Variants in KCNMA1 observed in about 807,000 individuals in gnomAD.
KCNMA1 encodes the protein potassium calcium-activated channel subfamily M alpha 1.
A neutral mutation model predicts 140.0 loss-of-function variants in KCNMA1; 29 were observed. That is an observed-to-expected ratio of 0.21 (90% confidence interval 0.15 to 0.28). The LOEUF is 0.28. Ranked by LOEUF, KCNMA1 falls within the 10% of genes least tolerant of loss-of-function variation. KCNMA1 has a pLI of 1.00. For missense variants in KCNMA1, 880 were observed against 1,602.2 expected, an observed-to-expected ratio of 0.55 and a Z score of 7.70; for synonymous variants, 612 against 611.9, an observed-to-expected ratio of 1.00 and a Z score of 0.00.
intron 1 of KCNMA1, among the ~76,000 whole-genome samples, chr10:77,427,947 T>C (rs1034410442): frequency 3.3e-5 from 5 of 151,942 alleles, no homozygotes; most frequent in Non-Finnish European, 7.4e-5. Flanking sequence ...GAGACAGGGT[T>C]TCACCATGTT....
intron 1 of KCNMA1, among the ~76,000 whole-genome samples, chr10:77,535,438 G>A (rs926701020): frequency 2.0e-5 from 3 of 152,224 alleles, no homozygotes; most frequent in African/African-American, 7.2e-5. Context: ...TTCATACACT[G>A]TTGGTGGGAA....
In KCNMA1 at chr10:77,266,811, A is replaced by G. The variant is rs1480141630; in HGVS notation, c.541-15555T>C. On this transcript the variant is annotated intron_variant, in intron 2 of 27. Transcript: ENST00000286628. Reference sequence around the variant, plus strand: ...CTCCTTGAGGATGGAAAGGGTATCAATCATGGCTGTGGCCCCACCATTCAC... The same window carrying G: ...CTCCTTGAGGATGGAAAGGGTATCAGTCATGGCTGTGGCCCCACCATTCAC... Among the ~76,000 whole-genome samples the G allele has an allele frequency of 5.3e-5, 8 of 152,316 alleles. No homozygotes were observed. In the East Asian group the frequency reaches 7.7e-4, roughly 15 times the overall value.
At chr10:76,941,181 AAGGG>A (rs113837673) in intron 23 of KCNMA1, among the ~76,000 whole-genome samples, 1 of 106,472 alleles carries the variant, frequency 9.4e-6, no homozygotes, top group Non-Finnish European at 2.0e-5. Context: ...GGAAGGAAGG[AAGGG>A]AGGGAGGGAG....
chr10:77,249,504 C>T (rs867004817), intron 3 of KCNMA1: 31 of 152,032 alleles, frequency 2.0e-4, no homozygotes, highest in African/African-American at 7.2e-4. Context: ...AATAAAAAAA[C>T]GAAAAGGGAA....
intron 2 of KCNMA1, among the ~76,000 whole-genome samples, chr10:77,308,837 C>T (rs891056406): frequency 1.3e-5 from 2 of 152,178 alleles, no homozygotes; most frequent in African/African-American, 4.8e-5. Flanking sequence ...TTGAGATCCT[C>T]ATGAGAAAGA....
intron 20 of KCNMA1, among the ~76,000 whole-genome samples, chr10:76,962,159 G>C (rs2071767613): frequency 6.6e-6 from 1 of 152,166 alleles, no homozygotes; most frequent in Non-Finnish European, 1.5e-5. Context: ...ATTTTAAAGT[G>C]CACAATTTCC....
intron 1 of KCNMA1, among the ~76,000 whole-genome samples, chr10:77,511,681 C>G (rs2048467503): frequency 6.6e-6 from 1 of 152,128 alleles, no homozygotes; most frequent in African/African-American, 2.4e-5. Context: ...TTTTTAATGA[C>G]TGTTATTTAA....
chr10:77,068,826 C>T (rs2096066374), intron 14 of KCNMA1, among the ~76,000 whole-genome samples: 1 of 131,222 alleles, frequency 7.6e-6, no homozygotes, highest in South Asian at 2.7e-4. Flanking sequence ...CATTGAAAAA[C>T]AATTTTAAGA....
intron 20 of KCNMA1, among the ~76,000 whole-genome samples, chr10:76,966,081 A>C (rs761679075): frequency 2.6e-5 from 4 of 152,092 alleles, no homozygotes; most frequent in African/African-American, 4.8e-5. Context: ...ACTGTGTGGA[A>C]GTTCTTTAAG....
At chr10:76,888,645 T>C (rs942951686) in intron 27 of KCNMA1, among the ~76,000 whole-genome samples, 1 of 152,194 alleles carries the variant, frequency 6.6e-6, no homozygotes, top group Non-Finnish European at 1.5e-5. Context: ...ACATCTAAAC[T>C]GTTATTTCTC....
Position 76,995,110 on chromosome 10 carries a change from C to T in KCNMA1, c.2266+6297G>A, listed in dbSNP as rs146929631. 5.3e-4 allele frequency among the ~76,000 whole-genome samples: 81 copies of T among 152,238 alleles called. No individual in the cohort carries two copies. The East Asian group carries it at 0.012, about 23-fold the overall frequency. On this transcript the variant is annotated intron_variant, in intron 19 of 27. Transcript: ENST00000286628. ...ACGTGATAGCAATCAACTCAGGGGG[C>T]GATCCTGAATGCGGGCTGGGGGATT... is the stretch of plus-strand genomic sequence containing the variant.
intron 2 of KCNMA1, among the ~76,000 whole-genome samples, chr10:77,268,528 G>C (rs6480856): frequency 0.054 from 8,151 of 152,104 alleles, 742 homozygotes; most frequent in African/African-American, 0.18. Context: ...GTTACTGGAG[G>C]CTTACAAGGA....
At chr10:77,454,432 G>A (rs921883995) in intron 1 of KCNMA1, among the ~76,000 whole-genome samples, 1 of 152,204 alleles carries the variant, frequency 6.6e-6, no homozygotes, top group South Asian at 2.1e-4. Flanking sequence ...TTTGCTAACA[G>A]TGTCACATTT....
chr10:77,608,849 C>T (rs1020837410), intron 1 of KCNMA1, among the ~76,000 whole-genome samples: 2 of 152,170 alleles, frequency 1.3e-5, no homozygotes, highest in Non-Finnish European at 2.9e-5. Flanking sequence ...TGCTCAACAT[C>T]ACTAATCATC....
At chr10:76,984,727 G>A (rs543814969) in intron 19 of KCNMA1, among the ~76,000 whole-genome samples, 44 of 17,662 alleles carry the variant, frequency 2.5e-3, no homozygotes, top group African/African-American at 4.3e-3. Flanking sequence ...CCAGTATTGT[G>A]TGTGTAGTTA....
intron 2 of KCNMA1, among the ~76,000 whole-genome samples, chr10:77,295,803 A>AAAAAAAC (rs2074886980): frequency 6.7e-6 from 1 of 149,522 alleles, no homozygotes; most frequent in African/African-American, 2.5e-5. Flanking sequence ...AAAAAAAAAA[A>AAAAAAAC]AAAAAAAAAA....
chr10:76,949,328 A>G lies in KCNMA1; in HGVS notation c.2523T>C (p.His841=), dbSNP rs1002730191. Residue 841 remains histidine (H), a synonymous_variant, in exon 22 of 28, where the codon CAT becomes CAC. Coordinates refer to ENST00000286628, the MANE Select transcript of KCNMA1 (RefSeq NM_001161352.2). The stretch of plus-strand genomic sequence containing the variant: ...CGTCGCCAAAGATGCAGACCACGAC[A>G]TGGCCACTCAGGACGGTCATGGCAG... ...SEAAMTVLSG[H]VVVCIFGDVS... is the part of the protein sequence containing the mutation. 15 of 1,614,022 alleles carry G rather than the reference A, an allele frequency of 9.3e-6. No individual in the cohort carries two copies. The highest frequency in any genetic ancestry group is 2.7e-5 in the African/African-American group (2 of 74,922).
intron 18 of KCNMA1, among the ~76,000 whole-genome samples, chr10:77,008,847 C>G (rs2089965477): frequency 6.6e-6 from 1 of 152,262 alleles, no homozygotes; most frequent in Non-Finnish European, 1.5e-5. Flanking sequence ...TGTTCGAAGG[C>G]ATGGGGGTCC....
intron 1 of KCNMA1, among the ~76,000 whole-genome samples, chr10:77,478,723 T>C (rs1217012261): frequency 1.3e-5 from 2 of 152,230 alleles, no homozygotes; most frequent in Non-Finnish European, 1.5e-5. Flanking sequence ...TTGCACATTG[T>C]AGATACTCAA....
Sources: gnomAD v4.1 joint callset for allele counts (sites outside exome capture counted in the v4.1 genomes callset) on GRCh38, gnomAD v4.1.1 for gene constraint, MANE v1.5 for transcripts, NCBI Gene and HGNC (gene_info 2026-07-23, HGNC 2026-07-21) for gene names.